The following CYRIB variants were observed in gnomAD, a reference collection of about 807,000 sequenced individuals.
The protein encoded by CYRIB is CYFIP related Rac1 interactor B, also known as CYFIP-related Rac1 interactor B.
A neutral mutation model predicts 44.2 loss-of-function variants in CYRIB; 8 were observed. The observed-to-expected ratio is 0.18, with a 90% CI of 0.11 to 0.33. The LOEUF is 0.33. CYRIB is among the 10% of genes least tolerant of loss of function. The pLI is 1.00. For synonymous variants in CYRIB, 131 were observed against 127.2 expected (o/e 1.03, Z -0.20); for missense variants, 185 against 382.8 (o/e 0.48, Z 4.31).
chr8:129,852,553 A>G (rs780110049), intron 7 of CYRIB, among the ~76,000 whole-genome samples: 19 of 152,226 alleles, frequency 1.2e-4, no homozygotes, highest in Non-Finnish European at 1.2e-4. Flanking sequence ...GGACAGAAAA[A>G]TGATTATAAA....
At chr8:129,907,507 G>A (rs964504997) in intron 1 of CYRIB, among the ~76,000 whole-genome samples, 1 of 152,116 alleles carries the variant, frequency 6.6e-6, no homozygotes, top group Non-Finnish European at 1.5e-5. Context: ...ACGAGTTAAT[G>A]GGTGCAGCAC....
chr8:129,923,239 T>TATCTCAAA (rs140530379), intron 1 of CYRIB, among the ~76,000 whole-genome samples: 2 of 150,536 alleles, frequency 1.3e-5, no homozygotes, highest in Non-Finnish European at 3.0e-5. Context: ...GCAAAACTCT[T>TATCTCAAA]AAAAAGAAAA....
chr8:129,893,345 T>C (rs568446964), intron 2 of CYRIB, among the ~76,000 whole-genome samples: 1 of 152,100 alleles, frequency 6.6e-6, no homozygotes, highest in South Asian at 2.1e-4. Context: ...CACAGACAAG[T>C]GGAAGAGACC....
intron 1 of CYRIB, among the ~76,000 whole-genome samples, chr8:129,982,454 T>C (rs908503315): frequency 1.4e-4 from 21 of 152,252 alleles, no homozygotes; most frequent in Non-Finnish European, 2.6e-4. Context: ...GCTACTCTGT[T>C]GGACAATTCG....
At chr8:129,996,166 A>G (rs1231923414) in intron 1 of CYRIB, among the ~76,000 whole-genome samples, 1 of 152,230 alleles carries the variant, frequency 6.6e-6, no homozygotes, top group Non-Finnish European at 1.5e-5. Context: ...CTTAGAGCTA[A>G]GAACCTAAAG....
intron 1 of CYRIB, among the ~76,000 whole-genome samples, chr8:130,011,158 G>A (rs72720362): frequency 0.096 from 14,665 of 151,978 alleles, 908 homozygotes; most frequent in African/African-American, 0.18. Context: ...TGTGCTCCCC[G>A]GGGGGACTCC....
At chr8:129,858,256 C>A (rs570243567) in intron 5 of CYRIB, among the ~76,000 whole-genome samples, 1 of 152,296 alleles carries the variant, frequency 6.6e-6, no homozygotes, top group South Asian at 2.1e-4. Context: ...GGATTGGACT[C>A]AGATGAAGCT....
chr8:129,902,502 G>A (rs2072756698), intron 2 of CYRIB, among the ~76,000 whole-genome samples: 1 of 152,156 alleles, frequency 6.6e-6, no homozygotes, highest in African/African-American at 2.4e-5. Context: ...TGACAGGCAT[G>A]AGCCACTGCG....
At chr8:129,951,566 C>T (rs1393651142) in intron 2 of CYRIB, among the ~76,000 whole-genome samples, 3 of 151,606 alleles carry the variant, frequency 2.0e-5, no homozygotes, top group Non-Finnish European at 4.4e-5. Context: ...ATTAGCTGGC[C>T]GTGGTGGCAC....
At chr8:129,910,477 CTTTTTTTTTTTTT>C (rs1171288097) in intron 1 of CYRIB, among the ~76,000 whole-genome samples, 2 of 110,656 alleles carry the variant, frequency 1.8e-5, no homozygotes, top group Admixed American at 2.0e-4. Context: ...CCTTCTTTCA[CTTTTTTTTTTTTT>C]TTTTTTTTTT....
intron 2 of CYRIB, among the ~76,000 whole-genome samples, chr8:129,891,724 T>C (rs750028336): frequency 6.6e-6 from 1 of 152,236 alleles, no homozygotes; most frequent in Non-Finnish European, 1.5e-5. Flanking sequence ...AATGCGTGCC[T>C]TTATACAAGT....
At chr8:129,863,456 T>C (rs933956171) in intron 4 of CYRIB, among the ~76,000 whole-genome samples, 7 of 149,646 alleles carry the variant, frequency 4.7e-5, no homozygotes, top group African/African-American at 1.7e-4. Flanking sequence ...ACCCGGGAAG[T>C]GGAGGCTGCA....
At chr8:129,847,646 G>A (rs1271513328) in intron 10 of CYRIB, among the ~76,000 whole-genome samples, 1 of 152,132 alleles carries the variant, frequency 6.6e-6, no homozygotes, top group Non-Finnish European at 1.5e-5. Flanking sequence ...GAAGTGTTAT[G>A]CCTGGCAGCA....
At chr8:129,943,086 A>ACCCCC (rs779721289), upstream of CYRIB, among the ~76,000 whole-genome samples, 13 of 101,580 alleles carry the variant, frequency 1.3e-4, no homozygotes, top group African/African-American at 3.0e-4. Flanking sequence ...TGCACCGCCC[A>ACCCCC]CCCGCCCCCC....
intron 1 of CYRIB, among the ~76,000 whole-genome samples, chr8:130,015,949 C>T (rs1393071643): frequency 6.6e-6 from 1 of 152,062 alleles, no homozygotes; most frequent in African/African-American, 2.4e-5. Flanking sequence ...GGGGCCAGCG[C>T]TGCTCCCGGG....
chr8:129,843,630 G>A (rs1260804907), intron 11 of CYRIB, among the ~76,000 whole-genome samples: 5 of 152,158 alleles, frequency 3.3e-5, no homozygotes, highest in Non-Finnish European at 7.3e-5. Flanking sequence ...TTCAATTCCT[G>A]GGCTCAAGCA....
intron 2 of CYRIB, chr8:129,880,248 T>C (rs1013793820): frequency 2.6e-6 from 1 of 380,974 alleles, no homozygotes; most frequent in Admixed American, 6.4e-5. Flanking sequence ...TAAGAAAAAA[T>C]CATGCAACCT....
At chr8:129,948,865 G>T in intron 2 of CYRIB, 1 of 152,656 alleles carries the variant, frequency 6.6e-6, no homozygotes, top group South Asian at 2.0e-4. Context: ...AATTGCTTGA[G>T]ACCAGCCTGG....
intron 1 of CYRIB, among the ~76,000 whole-genome samples, chr8:129,983,914 A>T (rs1368137234): frequency 1.3e-5 from 2 of 152,184 alleles, no homozygotes; most frequent in East Asian, 1.9e-4. Context: ...AATACATCCC[A>T]TTGGCAGGAA....
Sources: allele counts gnomAD v4.1 joint callset (sites outside exome capture counted in the v4.1 genomes callset), GRCh38; gene constraint gnomAD v4.1.1; transcripts MANE v1.5; gene names NCBI Gene and HGNC (gene_info 2026-07-23, HGNC 2026-07-21).